Variants in DOC2A observed in about 807,000 individuals in gnomAD.
DOC2A encodes double C2 domain alpha, also known as double C2-like domain-containing protein alpha.
A neutral mutation model predicts 40.6 loss-of-function variants in DOC2A; 28 were observed. The ratio of observed to expected loss-of-function variants is 0.69; its 90% CI spans 0.51 to 0.95. The LOEUF is 0.95. Among genes scored for constraint, DOC2A ranks in the 40% least tolerant of loss-of-function variants. DOC2A has a pLI of 0.00. For missense variants in DOC2A, 474 were observed against 552.5 expected (o/e 0.86, Z 1.42); for synonymous variants, 241 against 236.9 (o/e 1.02, Z -0.16).
At chr16:30,020,410 C>T (rs1321703168) in intron 1 of DOC2A, among the ~76,000 whole-genome samples, 1 of 152,084 alleles carries the variant, frequency 6.6e-6, no homozygotes, top group Non-Finnish European at 1.5e-5. Context: ...TAAATCCCTT[C>T]CTTTTTCTTA....
At chr16:30,011,301 C>A, upstream of DOC2A, 2 of 984,582 alleles carry the variant, frequency 2.0e-6, no homozygotes, top group Non-Finnish European at 2.4e-6. Flanking sequence ...CACCCTTGCA[C>A]ACACCCAGGC....
upstream of DOC2A, chr16:30,022,962 A>T: frequency 5.6e-6 from 1 of 177,536 alleles, no homozygotes; most frequent in South Asian, 1.3e-4. Context: ...CCCTGTCTCC[A>T]AAAAAATGAA....
At position 30,006,643 on chromosome 16, in the gene DOC2A, G is replaced by A; in HGVS notation, c.913C>T (p.His305Tyr). 1.2e-6 allele frequency: 2 copies of A among 1,613,648 alleles called. No individual in the cohort carries two copies. The highest frequency in any genetic ancestry group is 8.5e-7 in the Non-Finnish European group (1 of 1,179,960). Residue 305 changes from histidine (H) to tyrosine (Y), a missense_variant, in exon 9 of 11, where the codon CAT becomes TAT. His to Tyr is a moderately conservative substitution (Grantham distance 83, BLOSUM62 2). Transcript: ENST00000350119. The surrounding 1 kb of genome is among the most constrained non-coding windows in gnomAD (Gnocchi z 6.2). ...GTCTTCTTCTTCACACACGTCTTAT[G>A]CTTGGATTTCTTGTCCACATCGGGC... Reference protein sequence around the residue: ...LRPDVDKKSKHKTCVKKKTLN... With the variant: ...LRPDVDKKSKYKTCVKKKTLN...
At chr16:30,007,674 C>A in intron 5 of DOC2A, 1 of 347,630 alleles carries the variant, frequency 2.9e-6, no homozygotes, top group Non-Finnish European at 5.5e-6. Context: ...TACCCCACGC[C>A]TCCTCGGGAA....
rs913493373 is a variant in DOC2A at position 30,005,986 on chromosome 16, G to A, written c.*200C>T. The A allele has an allele frequency of 1.7e-5, 11 of 639,820 alleles. No homozygotes were observed. Among genetic ancestry groups the A allele is most frequent in the African/African-American group, 9.2e-5 (5 of 54,530 alleles). The allele number at this position is 639,820 out of a possible 1,614,324, so 39.6% of individuals were successfully genotyped here. On this transcript the variant is annotated 3_prime_UTR_variant, in exon 11 of 11. Coordinates refer to ENST00000350119, the MANE Select transcript of DOC2A (RefSeq NM_003586.3). The stretch of plus-strand genomic sequence containing the variant: ...GGTTTGCATATTTGCAGGGACTAGC[G>A]AGTCAGGCAGGAGGTTTGCATATGT...
Position 30,005,858 on chromosome 16 carries a change from C to T in DOC2A, c.*328G>A. On this transcript the variant is annotated 3_prime_UTR_variant, in exon 11 of 11. Coordinates refer to ENST00000350119, the MANE Select transcript of DOC2A (RefSeq NM_003586.3). ...GAACCTCCCCTAATCCGACCTCCTC[C>T]CTGTTGGGGGAGAGGGACGGGGCAG... 2 of 481,704 alleles carry T rather than the reference C, an allele frequency of 4.2e-6. No individual in the cohort carries two copies. Among genetic ancestry groups the T allele is most frequent in the Non-Finnish European group, 7.4e-6 (2 of 270,686 alleles). 29.8% of individuals were successfully genotyped at this position (481,704 alleles called of 1,614,324 possible). A position where few individuals can be genotyped will look rare whatever the true frequency, so the allele number is the denominator to read the frequency against.
rs1034199275 is a variant in DOC2A at position 30,005,873 on chromosome 16, G to A, written c.*313C>T. The A allele has an allele frequency of 1.5e-4, 73 of 494,558 alleles. No homozygotes were observed. The highest frequency in any genetic ancestry group is 1.2e-3 in the Admixed American group (32 of 26,242). The allele number at this position is 494,558 out of a possible 1,614,324, so 30.6% of individuals were successfully genotyped here. A position where few individuals can be genotyped will look rare whatever the true frequency, so the allele number is the denominator to read the frequency against. On this transcript the variant is annotated 3_prime_UTR_variant, in exon 11 of 11. Coordinates refer to ENST00000350119, the MANE Select transcript of DOC2A (RefSeq NM_003586.3). ...CGACCTCCTCCCTGTTGGGGGAGAGGGACGGGGCAGCGTGGAGAGGCAGGA... is the reference window on the plus strand; with the variant it reads ...CGACCTCCTCCCTGTTGGGGGAGAGAGACGGGGCAGCGTGGAGAGGCAGGA...
Position 30,007,346 on chromosome 16 carries a change from G to A in DOC2A, c.528-47C>T, listed in dbSNP as rs765187667. 1.1e-5 allele frequency: 18 copies of A among 1,612,554 alleles called. No homozygotes were observed. The East Asian group carries it at 1.3e-4, about 12-fold the overall frequency. On this transcript the variant is annotated intron_variant, in intron 5 of 10. Transcript: ENST00000350119. ...AGGGCCCCTGGGGTACCTGAGCCCC[G>A]TTCCGGGGTGTAGGAAGGGCCTTGG...
chr16:30,010,058 A>G lies in DOC2A; in HGVS notation c.165T>C (p.His55=). Residue 55 remains histidine (H), a synonymous_variant, in exon 2 of 11, where the codon CAT becomes CAC. Transcript: ENST00000350119. This position sits in a 1 kb window ranked among gnomAD's most constrained non-coding sequence, Gnocchi z 4.2. ...GGGGGGEAPA[H]LVPLALAPPA... The stretch of plus-strand genomic sequence containing the variant: ...GGGGGGCCAGAGCCAGGGGGACCAG[A>G]TGGGCGGGGGCCTCCCCGCCGCCCC... 2.5e-6 allele frequency: 4 copies of G among 1,611,286 alleles called. No homozygotes were observed. Among genetic ancestry groups the G allele is most frequent in the Non-Finnish European group, 3.4e-6 (4 of 1,179,002 alleles).
At chr16:30,008,499 G>A (rs1270156360) in intron 5 of DOC2A, 3 of 174,878 alleles carry the variant, frequency 1.7e-5, no homozygotes, top group Non-Finnish European at 3.7e-5. Context: ...CTGTTTGAGG[G>A]GCAGAAGATA....
upstream of DOC2A, chr16:30,011,577 G>T: frequency 5.1e-6 from 1 of 198,018 alleles, no homozygotes; most frequent in Non-Finnish European, 8.1e-6. Flanking sequence ...CCCCTCCCCC[G>T]CAGGGAGCTG....
intron 5 of DOC2A, 128 bp downstream of exon 5, chr16:30,008,868 A>C: frequency 1.4e-6 from 1 of 712,468 alleles, no homozygotes; most frequent in Non-Finnish European, 2.5e-6. Flanking sequence ...CAAAGGGGCT[A>C]GGGAGCCGCT....
chr16:30,020,299 C>T (rs928494028), intron 1 of DOC2A, among the ~76,000 whole-genome samples: 3 of 152,126 alleles, frequency 2.0e-5, no homozygotes, highest in Non-Finnish European at 2.9e-5. Context: ...CCATCTTGGC[C>T]TCCCAAAGTG....
Position 30,006,163 on chromosome 16 carries a change from T to C in DOC2A, c.*23A>G. 3 of 1,561,808 alleles carry C rather than the reference T, an allele frequency of 1.9e-6. No homozygotes were observed. Among genetic ancestry groups the C allele is most frequent in the South Asian group, 1.2e-5 (1 of 85,780 alleles). On this transcript the variant is annotated 3_prime_UTR_variant, in exon 11 of 11. Transcript: ENST00000350119. The surrounding 1 kb of genome is among the most constrained non-coding windows in gnomAD (Gnocchi z 6.2). ...GGTACTGGACCCGGCTCGATGGGCC[T>C]GTGCCGGGACACTGCTGTCCACTCA... is the stretch of plus-strand genomic sequence containing the variant.
chr16:30,014,929 C>T (rs1334201842), upstream of DOC2A: 5 of 151,518 alleles, frequency 3.3e-5, no homozygotes, highest in Non-Finnish European at 7.4e-5. Flanking sequence ...GACTCCATCT[C>T]AGAAGAAAAA....
At chr16:30,007,899 C>G (rs2070669423) in intron 5 of DOC2A, 1 of 171,130 alleles carries the variant, frequency 5.8e-6, no homozygotes, top group African/African-American at 2.4e-5. Flanking sequence ...CTTGATCACC[C>G]TATGCCTCAA....
At position 30,007,231 on chromosome 16, in the gene DOC2A, C is replaced by T. The variant is rs1346621524; in HGVS notation, c.596G>A (p.Arg199His). The T allele has an allele frequency of 1.9e-5, 30 of 1,613,960 alleles. No individual in the cohort carries two copies. The highest frequency in any genetic ancestry group is 2.3e-5 in the Non-Finnish European group (27 of 1,180,026). The change falls in exon 6 of 11, where the codon CGC (arginine) becomes CAC (histidine). Residue 199 changes from arginine (R) to histidine (H), a missense_variant. Physicochemically the swap from Arg to His is conservative, Grantham distance 29. Coordinates refer to ENST00000350119, the MANE Select transcript of DOC2A (RefSeq NM_003586.3). ...CTTCTTCTGCGAAGGCTTGAGGCGG[C>T]GGAGGGGCACGCGGATCTCCCCAAT... ...EFIGEIRVPLRRLKPSQKKHF... is the reference protein window; with the variant it reads ...EFIGEIRVPLHRLKPSQKKHF...
upstream of DOC2A, among the ~76,000 whole-genome samples, chr16:30,014,169 C>A (rs948995371): frequency 2.2e-5 from 2 of 89,562 alleles, no homozygotes; most frequent in Non-Finnish European, 4.1e-5. Context: ...TGTTTAGAAT[C>A]ATCTTTTTTT....
intron 5 of DOC2A, chr16:30,008,712 G>T (rs2070690369): frequency 5.2e-6 from 2 of 385,474 alleles, no homozygotes; most frequent in South Asian, 4.8e-5. Flanking sequence ...CACCAAGTTG[G>T]CCAGGCTGGT....
Sources: gnomAD v4.1 joint callset for allele counts (sites outside exome capture counted in the v4.1 genomes callset) on GRCh38, gnomAD v4.1.1 for gene constraint, Gnocchi (gnomAD v3.1) non-coding constraint, MANE v1.5 for transcripts, NCBI Gene and HGNC (gene_info 2026-07-23, HGNC 2026-07-21) for gene names.